GALNT10: variants seen among roughly 807,000 people sequenced by gnomAD.
GALNT10 encodes the protein polypeptide N-acetylgalactosaminyltransferase 10.
A neutral mutation model predicts 75.0 loss-of-function variants in GALNT10; 41 were observed. The observed-to-expected ratio is 0.55, with a 90% CI of 0.43 to 0.71. GALNT10 has a LOEUF of 0.71. Among genes scored for constraint, GALNT10 ranks in the 30% least tolerant of loss-of-function variants. GALNT10 has a pLI of 0.00. For missense variants in GALNT10, 727 were observed against 818.5 expected (o/e 0.89, Z 1.36); for synonymous variants, 302 against 313.0 (o/e 0.96, Z 0.37).
intron 4 of GALNT10, among the ~76,000 whole-genome samples, chr5:154,370,627 G>T (rs1249049944): frequency 6.6e-6 from 1 of 152,116 alleles, no homozygotes; most frequent in Non-Finnish European, 1.5e-5. Context: ...AGTAAGGGAG[G>T]GAGCATCGTT....
chr5:154,303,765 T>C (rs1754393379), intron 3 of GALNT10, among the ~76,000 whole-genome samples: 1 of 152,214 alleles, frequency 6.6e-6, no homozygotes, highest in Non-Finnish European at 1.5e-5. Flanking sequence ...TGATAATACT[T>C]ACATCAATAC....
intron 3 of GALNT10, among the ~76,000 whole-genome samples, chr5:154,306,337 A>G (rs1754432727): frequency 6.6e-6 from 1 of 152,260 alleles, no homozygotes; most frequent in South Asian, 2.1e-4. Flanking sequence ...CACTCTAACC[A>G]CAATGAAATT....
At chr5:154,370,873 A>G (rs1156397974) in intron 4 of GALNT10, among the ~76,000 whole-genome samples, 1 of 152,218 alleles carries the variant, frequency 6.6e-6, no homozygotes, top group Non-Finnish European at 1.5e-5. Context: ...CGTGGAGTGC[A>G]GTGCTCCAGA....
chr5:154,410,387 A>AG lies in GALNT10; in HGVS notation c.1386+625_1386+626insG, dbSNP rs1356153047. 1.4e-3 allele frequency among the ~76,000 whole-genome samples: 219 copies of AG among 151,884 alleles called. 1 individual carries two copies. The highest frequency in any genetic ancestry group is 5.0e-3 in the African/African-American group (209 of 41,482). Reference sequence around the variant, plus strand: ...AAGACCCTGTCTCTACAAAAAAAAAAAAAAAAAAGAAAAAATTAGCCAGGC... The same window carrying AG: ...AAGACCCTGTCTCTACAAAAAAAAAAGAAAAAAAAGAAAAAATTAGCCAGGC... On this transcript the variant is annotated intron_variant, in intron 9 of 11. Transcript: ENST00000297107.
intron 7 of GALNT10, among the ~76,000 whole-genome samples, chr5:154,393,995 C>T (rs1755962803): frequency 6.6e-6 from 1 of 152,208 alleles, no homozygotes; most frequent in African/African-American, 2.4e-5. Context: ...CCAGGGAAGG[C>T]CTGAGGCCGC....
chr5:154,211,961 T>A (rs949728921), intron 1 of GALNT10, among the ~76,000 whole-genome samples: 5 of 152,088 alleles, frequency 3.3e-5, no homozygotes, highest in African/African-American at 9.7e-5. Context: ...TAGAAGTGAG[T>A]CATGAAGTTC....
In GALNT10 at chr5:154,386,350, C is replaced by T. The variant is rs776665628; in HGVS notation, c.976C>T (p.Arg326Trp). 8 of 1,613,920 alleles carry T rather than the reference C, an allele frequency of 5.0e-6. No homozygotes were observed. The highest frequency in any genetic ancestry group is 4.5e-5 in the East Asian group (2 of 44,874). The stretch of plus-strand genomic sequence containing the variant: ...GGCCGGTGGACTGTTCGCCGTGGAT[C>T]GGAAGTGGTTCTGGGAACTCGGCGG... ...VMAGGLFAVD[R>W]KWFWELGGYD... is the part of the protein sequence containing the mutation. Residue 326 changes from arginine (R) to tryptophan (W), a missense_variant, in exon 7 of 12, where the codon CGG (arginine) becomes TGG (tryptophan). Arg to Trp is a moderately radical substitution (Grantham distance 101). Coordinates refer to ENST00000297107, the MANE Select transcript of GALNT10 (RefSeq NM_198321.4).
chr5:154,332,681 G>A (rs148746228), intron 4 of GALNT10, among the ~76,000 whole-genome samples: 2 of 152,296 alleles, frequency 1.3e-5, no homozygotes, highest in Non-Finnish European at 1.5e-5. Context: ...ATGTATGGCA[G>A]CTACCCATGC....
chr5:154,203,218 C>G (rs561802951), intron 1 of GALNT10, among the ~76,000 whole-genome samples: 37 of 152,288 alleles, frequency 2.4e-4, no homozygotes, highest in African/African-American at 8.9e-4. Flanking sequence ...CCTCTCCCCT[C>G]TCTGTCTGTG....
chr5:154,407,456 GTAATTA>G (rs199500894), intron 8 of GALNT10, among the ~76,000 whole-genome samples: 1,805 of 152,296 alleles, frequency 0.012, 21 homozygotes, highest in Non-Finnish European at 0.016. Flanking sequence ...AATTAAAATG[GTAATTA>G]TAATTAGAAT....
intron 1 of GALNT10, among the ~76,000 whole-genome samples, chr5:154,269,875 G>A (rs1457695279): frequency 1.3e-5 from 2 of 152,208 alleles, no homozygotes; most frequent in African/African-American, 2.4e-5. Flanking sequence ...TGACACCAAG[G>A]TGAGAGGTGG....
chr5:154,210,679 G>A (rs1775182861), intron 1 of GALNT10, among the ~76,000 whole-genome samples: 1 of 152,120 alleles, frequency 6.6e-6, no homozygotes, highest in African/African-American at 2.4e-5. Flanking sequence ...GCAGTGCCTG[G>A]CATGTGACAT....
At position 154,225,932 on chromosome 5, in the gene GALNT10, A is replaced by G. The variant is rs113373007; in HGVS notation, c.159+34907A>G. 7.2e-4 allele frequency among the ~76,000 whole-genome samples: 109 copies of G among 151,834 alleles called. 1 individual carries two copies. The highest frequency in any genetic ancestry group is 5.0e-3 in the South Asian group (24 of 4,770). On this transcript the variant is annotated intron_variant, in intron 1 of 11. Transcript: ENST00000297107. ...TTCACTCATAGGTGGGAATTGAACA[A>G]TGAGAACACTTGGACACAGGAAGGG...
chr5:154,228,608 A>G (rs1388000747), intron 1 of GALNT10, among the ~76,000 whole-genome samples: 1 of 152,242 alleles, frequency 6.6e-6, no homozygotes. Flanking sequence ...CAAATTCTCA[A>G]GAGAGATTCC....
intron 3 of GALNT10, among the ~76,000 whole-genome samples, chr5:154,307,798 A>G (rs1754456982): frequency 6.6e-6 from 1 of 151,858 alleles, no homozygotes; most frequent in Non-Finnish European, 1.5e-5. Flanking sequence ...GGCAGGTGGT[A>G]TCATCGTCAT....
intron 1 of GALNT10, among the ~76,000 whole-genome samples, chr5:154,222,098 T>C (rs13169185): frequency 0.36 from 55,421 of 152,054 alleles, 12,210 homozygotes; most frequent in East Asian, 0.84. Flanking sequence ...TCCAAAAGGT[T>C]CTTTGTGCCC....
intron 3 of GALNT10, among the ~76,000 whole-genome samples, chr5:154,321,139 ATCTAACCCTCTC>A (rs942183009): frequency 6.6e-6 from 1 of 152,096 alleles, no homozygotes; most frequent in African/African-American, 2.4e-5. Flanking sequence ...TCACATCTCT[ATCTAACCCTCTC>A]TCCACCCCTC....
intron 1 of GALNT10, among the ~76,000 whole-genome samples, chr5:154,289,388 T>C (rs11954290): frequency 0.11 from 16,717 of 152,248 alleles, 1,082 homozygotes; most frequent in African/African-American, 0.19. Flanking sequence ...CTAGACTACC[T>C]TTCCCATTGA....
At chr5:154,283,236 G>C (rs567231912) in intron 1 of GALNT10, among the ~76,000 whole-genome samples, 1 of 147,942 alleles carries the variant, frequency 6.8e-6, no homozygotes, top group Non-Finnish European at 1.5e-5. Context: ...CTAAGGCCAG[G>C]AGGTTGAGAC....
Sources: gnomAD v4.1 joint callset for allele counts (sites outside exome capture counted in the v4.1 genomes callset) on GRCh38, gnomAD v4.1.1 for gene constraint, MANE v1.5 for transcripts, NCBI Gene and HGNC (gene_info 2026-07-23, HGNC 2026-07-21) for gene names.